CD101: variants seen among roughly 807,000 people sequenced by gnomAD.
CD101 encodes immunoglobulin superfamily member 2.
A neutral mutation model predicts 98.2 loss-of-function variants in CD101; 76 were observed. The observed-to-expected ratio is 0.77, with a 90% CI of 0.64 to 0.94. CD101 has a LOEUF of 0.94. Among genes scored for constraint, CD101 ranks in the 40% least tolerant of loss-of-function variants. CD101 has a pLI of 0.00. For synonymous variants in CD101, 471 were observed against 472.7 expected (o/e 1.00, Z 0.05); for missense variants, 1,145 against 1,218.8 (o/e 0.94, Z 0.90).
rs1384444756 is a variant in CD101, at chr1:117,033,363, G to A, written c.2825-497G>A. On this transcript the variant is annotated intron_variant, in intron 8 of 9. Transcript: ENST00000682167. The surrounding 1 kb of genome is among the most constrained non-coding windows in gnomAD (Gnocchi z 4.8). ...TCAGCGGGGGTAGGGGCTTCTTATT[G>A]TGGGTGTGATTGTTTTATAAGGACA... 6.6e-6 allele frequency among the ~76,000 whole-genome samples: 1 copy of A among 152,094 alleles called. No individual in the cohort carries two copies. Among genetic ancestry groups the A allele is most frequent in the Non-Finnish European group, 1.5e-5 (1 of 68,002 alleles).
chr1:117,021,194 G>T lies in CD101; in HGVS notation c.2018-379G>T, dbSNP rs1422578512. On this transcript the variant is annotated intron_variant, in intron 6 of 9. Coordinates refer to ENST00000682167, the MANE Select transcript of CD101 (RefSeq NM_001256106.3). The surrounding 1 kb of genome is among the most constrained non-coding windows in gnomAD (Gnocchi z 4.7). ...CTGATACATGAAATATGACAGAAGAGATGCTTGTGCTTAAATACCGAAGCA... is the reference window on the plus strand; with the variant it reads ...CTGATACATGAAATATGACAGAAGATATGCTTGTGCTTAAATACCGAAGCA... Among the ~76,000 whole-genome samples the T allele has an allele frequency of 1.3e-5, 2 of 152,226 alleles. No homozygotes were observed. Among genetic ancestry groups the T allele is most frequent in the African/African-American group, 4.8e-5 (2 of 41,444 alleles).
chr1:117,017,152 G>A lies in CD101; in HGVS notation c.1291G>A (p.Ala431Thr), dbSNP rs756924215. The change falls in exon 5 of 10, where the codon GCC (alanine) becomes ACC (threonine). Residue 431 changes from alanine to threonine, a missense_variant. Coordinates refer to ENST00000682167, the MANE Select transcript of CD101 (RefSeq NM_001256106.3). ...QQVVWEGETLAFLCKAGGAES... is the reference protein window; with the variant it reads ...QQVVWEGETLTFLCKAGGAES... ...AGTTGTGTGGGAAGGAGAGACACTC[G>A]CCTTTCTCTGTAAGGCTGGTGGAGC... 13 of 1,614,092 alleles carry A rather than the reference G, an allele frequency of 8.1e-6. No individual in the cohort carries two copies. Among genetic ancestry groups the A allele is most frequent in the Admixed American group, 1.7e-5 (1 of 60,008 alleles).
rs763164796 is a variant in CD101 at position 117,025,891 on chromosome 1, G to T, written c.2811G>T (p.Thr937=). The change falls in exon 8 of 10, where the codon ACG becomes ACT. Residue 937 remains threonine, a synonymous_variant. Transcript: ENST00000682167. ...ASDESQRMVL[T]VLPSEPTLPS... is the part of the protein sequence containing the mutation. ...ATGAGTCACAGCGGATGGTGCTCAC[G>T]GTGCTGCCTTCAGGTAACCAGGGGT... The T allele has an allele frequency of 3.7e-6, 6 of 1,608,226 alleles. No individual in the cohort carries two copies. Among genetic ancestry groups the T allele is most frequent in the Non-Finnish European group, 5.1e-6 (6 of 1,175,498 alleles).
At chr1:117,003,003 A>G (rs1012387044) in intron 1 of CD101, among the ~76,000 whole-genome samples, 10 of 152,174 alleles carry the variant, frequency 6.6e-5, no homozygotes, top group African/African-American at 2.4e-4. Context: ...ATAGCTGGGC[A>G]TGGTGGCACA....
At position 117,013,688 on chromosome 1, in the gene CD101, A is replaced by G. The variant is rs1653029263; in HGVS notation, c.1124A>G (p.Tyr375Cys). 6.2e-7 allele frequency: 1 copy of G among 1,614,104 alleles called. No homozygotes were observed. Among genetic ancestry groups the G allele is most frequent in the Non-Finnish European group, 8.5e-7 (1 of 1,180,024 alleles). Residue 375 changes from tyrosine to cysteine, a missense_variant, in exon 4 of 10, where the codon TAC (tyrosine) becomes TGC (cysteine). Tyr to Cys is a radical substitution (Grantham distance 194). Coordinates refer to ENST00000682167, the MANE Select transcript of CD101 (RefSeq NM_001256106.3). ...CTGGGCCCAGAGGATGAAGGCGCCT[A>G]CAGATGTGTGGTAGCAGAGGTCATG... ...FSLGPEDEGA[Y>C]RCVVAEVMKT...
At chr1:117,030,492 G>T (rs965412869) in intron 8 of CD101, among the ~76,000 whole-genome samples, 1 of 152,040 alleles carries the variant, frequency 6.6e-6, no homozygotes, top group Non-Finnish European at 1.5e-5. Flanking sequence ...GAGAAAGAGA[G>T]AAAGGGAAAG....
rs1446376019 is a variant in CD101, at chr1:117,006,863, G to A, written c.44-2987G>A. On this transcript the variant is annotated intron_variant, in intron 1 of 9. Transcript: ENST00000682167. The surrounding 1 kb of genome is among the most constrained non-coding windows in gnomAD (Gnocchi z 4.4). ...TCATCTTCATATCTTAGTCCCTCAA[G>A]CATGAGAAATACTATAAGTGGTTGA... Among the ~76,000 whole-genome samples the A allele has an allele frequency of 6.6e-6, 1 of 152,094 alleles. No individual in the cohort carries two copies. Among genetic ancestry groups the A allele is most frequent in the African/African-American group, 2.4e-5 (1 of 41,390 alleles).
chr1:117,027,064 T>C (rs1348100785), intron 8 of CD101, among the ~76,000 whole-genome samples: 1 of 152,244 alleles, frequency 6.6e-6, no homozygotes, highest in Non-Finnish European at 1.5e-5. Flanking sequence ...GGTTACTTGC[T>C]GTGAGCCTCA....
rs1480547666 is a variant in CD101, at chr1:117,010,186, A to T, written c.380A>T (p.Asp127Val). The T allele has an allele frequency of 4.3e-6, 7 of 1,614,176 alleles. No homozygotes were observed. Among genetic ancestry groups the T allele is most frequent in the Non-Finnish European group, 5.9e-6 (7 of 1,180,010 alleles). The change falls in exon 2 of 10, where the codon GAT becomes GTT. Residue 127 changes from aspartate (D) to valine (V), a missense_variant. Physicochemically the swap from Asp to Val is radical, Grantham distance 152 (BLOSUM62 -3). Coordinates refer to ENST00000682167, the MANE Select transcript of CD101 (RefSeq NM_001256106.3). The surrounding 1 kb of genome is among the most constrained non-coding windows in gnomAD (Gnocchi z 5.2). The part of the protein sequence containing the change: ...GEYECHTPNT[D>V]EKYYGSYSAK... ...TATGAGTGTCACACACCAAACACTG[A>T]TGAGAAATACTATGGAAGTTACAGT...
intron 4 of CD101, 112 bp from the exon 5 acceptor site, chr1:117,016,978 A>G: frequency 8.1e-7 from 1 of 1,237,704 alleles, no homozygotes; most frequent in Non-Finnish European, 1.1e-6. Flanking sequence ...AAACAGCCCA[A>G]TTTGACTTGT....
rs1022645881 is a variant in CD101, at chr1:117,022,528, C to T, written c.2428+545C>T. Among the ~76,000 whole-genome samples, 10 of 152,082 alleles carry T rather than the reference C, an allele frequency of 6.6e-5. No individual in the cohort carries two copies. The highest frequency in any genetic ancestry group is 1.2e-4 in the Non-Finnish European group (8 of 68,024). On this transcript the variant is annotated intron_variant, in intron 7 of 9. Transcript: ENST00000682167. This position sits in a 1 kb window ranked among gnomAD's most constrained non-coding sequence, Gnocchi z 4.8. ...ATCTTTAAAAATGTAATGGAAGTTC[C>T]GCACTGGTCTAAGAGTGCCACTGTC...
chr1:117,029,643 T>C (rs1276130503), intron 8 of CD101, among the ~76,000 whole-genome samples: 1 of 152,270 alleles, frequency 6.6e-6, no homozygotes, highest in Non-Finnish European at 1.5e-5. Flanking sequence ...GCTTAAATGT[T>C]TACTGAATCA....
In CD101 at chr1:117,017,136, G is replaced by A; in HGVS notation, c.1275G>A (p.Trp425Ter). ...MSTKNKQQVV[W>*]EGETLAFLCK... ...CCAAGAACAAGCAGCAAGTTGTGTGGGAAGGAGAGACACTCGCCTTTCTCT... is the reference window on the plus strand; with the variant it reads ...CCAAGAACAAGCAGCAAGTTGTGTGAGAAGGAGAGACACTCGCCTTTCTCT... Residue 425 changes from tryptophan (W) to a stop codon, truncating the protein, a stop_gained, in exon 5 of 10, where the codon TGG (tryptophan) becomes TGA (stop). Coordinates refer to ENST00000682167, the MANE Select transcript of CD101 (RefSeq NM_001256106.3). LOFTEE classifies it high-confidence loss of function. 2.5e-6 allele frequency: 4 copies of A among 1,614,192 alleles called. No homozygotes were observed. Among genetic ancestry groups the A allele is most frequent in the Middle Eastern group, 1.6e-4 (1 of 6,062 alleles).
In CD101 at chr1:117,005,507, A is replaced by G. The variant is rs1360374401; in HGVS notation, c.43+3647A>G. Among the ~76,000 whole-genome samples, 1 of 152,102 alleles carries G rather than the reference A, an allele frequency of 6.6e-6. No individual in the cohort carries two copies. Among genetic ancestry groups the G allele is most frequent in the Non-Finnish European group, 1.5e-5 (1 of 67,994 alleles). On this transcript the variant is annotated intron_variant, in intron 1 of 9. Transcript: ENST00000682167. This position sits in a 1 kb window ranked among gnomAD's most constrained non-coding sequence, Gnocchi z 4.4. ...CTCTTGGCAGCCTTTGGCAGTGCTG[A>G]CAAGCCCTTTCCTCTTAGAATGTTC... is the stretch of plus-strand genomic sequence containing the variant.
intron 5 of CD101, among the ~76,000 whole-genome samples, 185 bp from the exon 6 acceptor site, chr1:117,017,971 T>C (rs1653340974): frequency 6.6e-6 from 1 of 152,196 alleles, no homozygotes; most frequent in Admixed American, 6.5e-5. Flanking sequence ...GGATCAACTT[T>C]GCAAAATTGA....
chr1:117,015,884 T>A (rs1340388619), intron 4 of CD101, among the ~76,000 whole-genome samples: 1 of 152,170 alleles, frequency 6.6e-6, no homozygotes, highest in African/African-American at 2.4e-5. Context: ...CCCAGGGCAA[T>A]TCTGACTCCA....
chr1:117,025,554 C>T lies in CD101; in HGVS notation c.2474C>T (p.Thr825Ile). 1.2e-6 allele frequency: 2 copies of T among 1,605,850 alleles called. No homozygotes were observed. The highest frequency in any genetic ancestry group is 1.3e-5 in the African/African-American group (1 of 74,854). ...VSKVYWTENV[T>I]EHREVAIRCS... The stretch of plus-strand genomic sequence containing the variant: ...AAAGTGTACTGGACCGAAAATGTGA[C>T]TGAGCACAGAGAAGTGGCCATCCGC... The change falls in exon 8 of 10, where the codon ACT (threonine) becomes ATT (isoleucine). Residue 825 changes from threonine to isoleucine, a missense_variant. Coordinates refer to ENST00000682167, the MANE Select transcript of CD101 (RefSeq NM_001256106.3).
chr1:117,016,893 C>T (rs1653251959), intron 4 of CD101, among the ~76,000 whole-genome samples, 197 bp from the exon 5 acceptor site: 1 of 152,172 alleles, frequency 6.6e-6, no homozygotes. Flanking sequence ...AATACATCCT[C>T]CGATATTCTT....
chr1:117,011,523 A>C lies in CD101; in HGVS notation c.425-27A>C, dbSNP rs376238040. ...CCACTGGACAAGCACTGGGCCAGTC[A>C]CATTATTATCATTCCTTTGTTTCCA... On this transcript the variant is annotated intron_variant, in intron 2 of 9. Coordinates refer to ENST00000682167, the MANE Select transcript of CD101 (RefSeq NM_001256106.3). The C allele has an allele frequency of 1.9e-6, 3 of 1,594,052 alleles. 1 individual carries two copies. Among genetic ancestry groups the C allele is most frequent in the Non-Finnish European group, 2.6e-6 (3 of 1,169,480 alleles).
Sources: gnomAD v4.1 joint callset for allele counts (sites outside exome capture counted in the v4.1 genomes callset) on GRCh38, gnomAD v4.1.1 for gene constraint, Gnocchi (gnomAD v3.1) non-coding constraint, MANE v1.5 for transcripts, NCBI Gene and HGNC (gene_info 2026-07-23, HGNC 2026-07-21) for gene names.